Variants in ADCY7 observed in about 807,000 individuals in gnomAD.
ADCY7 encodes the protein adenylate cyclase 7, also known as adenylate cyclase type 7.
In ADCY7, 72 loss-of-function variants were observed where a neutral mutation model predicts 120.6. The ratio of observed to expected loss-of-function variants is 0.60; its 90% CI spans 0.49 to 0.73. The LOEUF (loss-of-function observed/expected upper bound fraction) is 0.73, where lower values mean the gene tolerates loss of function less well. Ranked by LOEUF, ADCY7 falls within the 30% of genes least tolerant of loss-of-function variation. The probability of loss-of-function intolerance (pLI) is 0.00; values close to 1 mark genes in which losing one functional copy is unlikely to be tolerated. For synonymous variants in ADCY7, 661 were observed against 628.0 expected (o/e 1.05, Z -0.78); for missense variants, 1,227 against 1,486.0 (o/e 0.83, Z 2.87).
At chr16:50,254,313 C>CA (rs1303114396) in intron 1 of ADCY7, among the ~76,000 whole-genome samples, 3 of 152,228 alleles carry the variant, frequency 2.0e-5, no homozygotes, top group African/African-American at 7.2e-5. Context: ...CTCCCACACA[C>CA]AGCCCCCTCC....
chr16:50,313,143 C>T, intron 22 of ADCY7, 107 bp downstream of exon 22: 2 of 1,466,498 alleles, frequency 1.4e-6, no homozygotes, highest in Non-Finnish European at 9.2e-7. Flanking sequence ...TGACACAGAG[C>T]TGGGCAAGGT....
chr16:50,287,588 G>A (rs189163760), intron 1 of ADCY7, among the ~76,000 whole-genome samples: 80 of 151,254 alleles, frequency 5.3e-4, no homozygotes, highest in African/African-American at 1.8e-3. Flanking sequence ...GCTGAGGTGG[G>A]AGAATCACTT....
At chr16:50,249,490 G>A (rs2032689829) in intron 1 of ADCY7, among the ~76,000 whole-genome samples, 1 of 152,018 alleles carries the variant, frequency 6.6e-6, no homozygotes, top group South Asian at 2.1e-4. Flanking sequence ...AAGTACTCAG[G>A]CCCCTCTTAG....
At chr16:50,286,858 A>T (rs964200531) in intron 1 of ADCY7, among the ~76,000 whole-genome samples, 1 of 152,216 alleles carries the variant, frequency 6.6e-6, no homozygotes, top group African/African-American at 2.4e-5. Context: ...ACCTCACACC[A>T]TACCCAGAGT....
chr16:50,271,909 G>T (rs1001307182), intron 1 of ADCY7, among the ~76,000 whole-genome samples: 19 of 152,166 alleles, frequency 1.2e-4, no homozygotes, highest in African/African-American at 4.6e-4. Flanking sequence ...TGCTGTGGCT[G>T]GGGCCCAAGG....
At chr16:50,247,357 G>A (rs771853950) in intron 1 of ADCY7, among the ~76,000 whole-genome samples, 3 of 152,020 alleles carry the variant, frequency 2.0e-5, no homozygotes, top group South Asian at 2.1e-4. Context: ...GTCCATATGC[G>A]GAGGCAGGAT....
rs1264678743 is a variant in ADCY7, at chr16:50,297,142, C to G, written c.949-1762C>G. ...GGGGAAAGGGAGGCCATGGCAGGTGCCAGCTTCCCAGTCAGAGCATCTAAT... is the reference window on the plus strand; with the variant it reads ...GGGGAAAGGGAGGCCATGGCAGGTGGCAGCTTCCCAGTCAGAGCATCTAAT... On this transcript the variant is annotated intron_variant, in intron 7 of 25. Coordinates refer to ENST00000673801, the MANE Select transcript of ADCY7 (RefSeq NM_001114.5). This position sits in a 1 kb window ranked among gnomAD's most constrained non-coding sequence, Gnocchi z 4.4. Among the ~76,000 whole-genome samples the G allele has an allele frequency of 3.3e-5, 5 of 152,234 alleles. No homozygotes were observed. The highest frequency in any genetic ancestry group is 9.6e-5 in the African/African-American group (4 of 41,470).
intron 12 of ADCY7, 84 bp from the exon 13 acceptor site, chr16:50,305,419 C>T (rs943150501): frequency 1.6e-6 from 2 of 1,223,288 alleles, no homozygotes; most frequent in East Asian, 2.3e-5. Context: ...TTCTGGGACC[C>T]CACTGGTGTC....
At position 50,308,272 on chromosome 16, in the gene ADCY7, G is replaced by T; in HGVS notation, c.1851-55G>T. The T allele has an allele frequency of 3.7e-6, 6 of 1,613,904 alleles. No homozygotes were observed. In the South Asian group the frequency reaches 6.6e-5, roughly 18 times the overall value. On this transcript the variant is annotated intron_variant, in intron 15 of 25. Transcript: ENST00000673801. ...TGTGAGCCAGAGGATTGGTGGGGGC[G>T]GTGGTCCTGGGCAGAAGGCCCTAGG...
intron 4 of ADCY7, 28 bp downstream of exon 4, chr16:50,291,925 G>A (rs1166921413): frequency 1.3e-6 from 2 of 1,580,570 alleles, no homozygotes; most frequent in South Asian, 1.2e-5. Context: ...GCCTCTGGGG[G>A]AGGTTTTGTG....
rs746682613 is a variant in ADCY7 at position 50,308,423 on chromosome 16, G to A, written c.1935+12G>A. ...CCACCAAGTTCTCGGTAAGTGGGGA[G>A]CTCTGGCCCCGCGGGCCCTCCCTCC... On this transcript the variant is annotated intron_variant, in intron 16 of 25. Transcript: ENST00000673801. 6.2e-7 allele frequency: 1 copy of A among 1,614,088 alleles called. No homozygotes were observed. Among genetic ancestry groups the A allele is most frequent in the South Asian group, 1.1e-5 (1 of 91,082 alleles).
At position 50,291,816 on chromosome 16, in the gene ADCY7, C is replaced by T. The variant is rs76036241; in HGVS notation, c.456C>T (p.Ala152=). The part of the protein sequence containing the change: ...FSMRGAVAVG[A]VSTASHLLVL... ...TGCGGGGCGCTGTCGCCGTTGGGGC[C>T]GTCTCCACTGCCTCCCACCTCCTGG... Residue 152 remains alanine (A), a synonymous_variant, in exon 4 of 26, where the codon GCC becomes GCT. Transcript: ENST00000673801. 1.1e-4 allele frequency: 174 copies of T among 1,614,070 alleles called. No individual in the cohort carries two copies. In the East Asian group the frequency reaches 1.3e-3, roughly 12 times the overall value.
intron 1 of ADCY7, among the ~76,000 whole-genome samples, chr16:50,256,457 C>T (rs2032920594): frequency 6.6e-6 from 1 of 152,104 alleles, no homozygotes; most frequent in Non-Finnish European, 1.5e-5. Flanking sequence ...AATTCCAGCA[C>T]TTTGGGAGGC....
intron 1 of ADCY7, among the ~76,000 whole-genome samples, chr16:50,283,572 A>T (rs1012702000): frequency 6.6e-6 from 1 of 152,230 alleles, no homozygotes; most frequent in African/African-American, 2.4e-5. Flanking sequence ...GGGAGAAGGG[A>T]CATTGCACAG....
Position 50,310,888 on chromosome 16 carries a change from C to A in ADCY7, c.2354+8C>A. The A allele has an allele frequency of 1.3e-6, 2 of 1,575,072 alleles. No homozygotes were observed. Among genetic ancestry groups the A allele is most frequent in the Non-Finnish European group, 1.7e-6 (2 of 1,162,472 alleles). ...GCCCAACGGCACCACCAGGTGGGGT[C>A]CCGCCCGTCCCCGTCCCCATCCCCA... On this transcript the variant is annotated splice_region_variant and intron_variant, in intron 19 of 25. Transcript: ENST00000673801.
At chr16:50,314,205 G>A in intron 23 of ADCY7, 87 bp from the exon 24 acceptor site, 2 of 1,440,390 alleles carry the variant, frequency 1.4e-6, no homozygotes, top group Non-Finnish European at 1.9e-6. Context: ...TTAGTGGTGG[G>A]GATCCTCAAC....
chr16:50,292,167 A>G (rs2035027223), intron 4 of ADCY7, among the ~76,000 whole-genome samples: 1 of 152,340 alleles, frequency 6.6e-6, no homozygotes, highest in African/African-American at 2.4e-5. Flanking sequence ...GTTCAGGGAC[A>G]CTGTCGTGGG....
rs79150890 is a variant in ADCY7 at position 50,308,467 on chromosome 16, C to A, written c.1935+56C>A. 2.8e-3 allele frequency: 4,463 copies of A among 1,608,436 alleles called. 101 individuals are homozygous for A. The African/African-American group carries it at 0.052, about 19-fold the overall frequency. ...TCCCTCCCTGCCTCAGGACACCTGC[C>A]TAGGAGCCCTCCCTGGTGAGCTTGG... On this transcript the variant is annotated intron_variant, in intron 16 of 25. Transcript: ENST00000673801.
chr16:50,308,175 G>C (rs1301504473), intron 15 of ADCY7, 152 bp from the exon 16 acceptor site: 1 of 1,291,570 alleles, frequency 7.7e-7, no homozygotes, highest in African/African-American at 1.5e-5. Flanking sequence ...TGCCCATGGG[G>C]CAGCTGGGCC....
Sources: gnomAD v4.1 joint callset for allele counts (sites outside exome capture counted in the v4.1 genomes callset) on GRCh38, gnomAD v4.1.1 for gene constraint, Gnocchi (gnomAD v3.1) non-coding constraint, MANE v1.5 for transcripts, NCBI Gene and HGNC (gene_info 2026-07-23, HGNC 2026-07-21) for gene names.